TBC1D32: variants seen among roughly 807,000 people sequenced by gnomAD.
TBC1D32 encodes the protein TBC1 domain family member 32.
A neutral mutation model predicts 170.3 loss-of-function variants in TBC1D32; 151 were observed. The ratio of observed to expected loss-of-function variants is 0.89; its 90% CI spans 0.78 to 1.01. TBC1D32 has a LOEUF of 1.01. Ranked by LOEUF, TBC1D32 falls within the 50% of genes least tolerant of loss-of-function variation. The pLI is 0.00. For synonymous variants in TBC1D32, 498 were observed against 488.0 expected, an observed-to-expected ratio of 1.02 and a Z score of -0.27; for missense variants, 1,464 against 1,457.1, an observed-to-expected ratio of 1.00 and a Z score of -0.08.
At chr6:121,232,699 C>T (rs1795895413) in intron 20 of TBC1D32, among the ~76,000 whole-genome samples, 1 of 150,402 alleles carries the variant, frequency 6.6e-6, no homozygotes, top group South Asian at 2.1e-4. Context: ...CTATTGTAAA[C>T]CAGGTTGAAT....
chr6:121,279,306 A>C, intron 14 of TBC1D32, 61 bp from the exon 15 acceptor site: 1 of 1,546,176 alleles, frequency 6.5e-7, no homozygotes, highest in Non-Finnish European at 8.7e-7. Flanking sequence ...AACATATCAC[A>C]GACTAAAATC....
intron 17 of TBC1D32, among the ~76,000 whole-genome samples, chr6:121,254,290 T>A (rs1243783162): frequency 6.6e-6 from 1 of 152,156 alleles, no homozygotes. Flanking sequence ...GGGTACAGTG[T>A]ACACTGCTTG....
At chr6:121,244,107 A>G (rs899700299) in intron 17 of TBC1D32, among the ~76,000 whole-genome samples, 1 of 152,064 alleles carries the variant, frequency 6.6e-6, no homozygotes, top group South Asian at 2.1e-4. Flanking sequence ...AGGACAAAAA[A>G]TACTAAGAAT....
At chr6:121,199,110 A>G (rs989674145) in intron 22 of TBC1D32, among the ~76,000 whole-genome samples, 1 of 151,246 alleles carries the variant, frequency 6.6e-6, no homozygotes, top group Non-Finnish European at 1.5e-5. Context: ...ATAAAAATAC[A>G]TAAGGTTGGA....
intron 22 of TBC1D32, among the ~76,000 whole-genome samples, chr6:121,187,949 TG>T (rs1276606656): frequency 6.6e-6 from 1 of 152,114 alleles, no homozygotes; most frequent in Non-Finnish European, 1.5e-5. Context: ...AGAATGATTG[TG>T]GGGCACCTTG....
chr6:121,202,820 T>C (rs1178962112), intron 22 of TBC1D32, among the ~76,000 whole-genome samples: 6 of 151,298 alleles, frequency 4.0e-5, no homozygotes, highest in Admixed American at 3.9e-4. Flanking sequence ...ATTTGTAAGA[T>C]CTTGGCAATT....
chr6:121,214,686 C>T (rs1324226109), intron 21 of TBC1D32, among the ~76,000 whole-genome samples: 1 of 152,196 alleles, frequency 6.6e-6, no homozygotes, highest in Non-Finnish European at 1.5e-5. Flanking sequence ...ATCTGGGCTA[C>T]ATGAAGGGCT....
At chr6:121,262,189 G>A (rs1409426774) in intron 15 of TBC1D32, among the ~76,000 whole-genome samples, 4 of 152,172 alleles carry the variant, frequency 2.6e-5, no homozygotes, top group Non-Finnish European at 5.9e-5. Flanking sequence ...ATGGAACCAA[G>A]TTAGAAAACA....
chr6:121,147,460 C>T (rs373357151), intron 24 of TBC1D32, among the ~76,000 whole-genome samples: 54 of 152,138 alleles, frequency 3.5e-4, no homozygotes, highest in Non-Finnish European at 3.5e-4. Flanking sequence ...TCTCTTTTCT[C>T]GGAAGCCCTG....
At chr6:121,082,062 T>C (rs1053945533) in intron 31 of TBC1D32, among the ~76,000 whole-genome samples, 1 of 152,066 alleles carries the variant, frequency 6.6e-6, no homozygotes, top group Non-Finnish European at 1.5e-5. Flanking sequence ...CTCAAGATAA[T>C]TGTGAAATTA....
chr6:121,111,744 A>G (rs942358569), intron 29 of TBC1D32, among the ~76,000 whole-genome samples: 2 of 152,122 alleles, frequency 1.3e-5, no homozygotes, highest in African/African-American at 4.8e-5. Flanking sequence ...CCTTATCACA[A>G]ATATATATTG....
At chr6:121,294,352 G>A (rs183079212) in intron 11 of TBC1D32, among the ~76,000 whole-genome samples, 3 of 152,166 alleles carry the variant, frequency 2.0e-5, no homozygotes, top group South Asian at 4.1e-4. Context: ...ATAAGAATCA[G>A]TATGGTTGTA....
intron 3 of TBC1D32, 71 bp downstream of exon 3, chr6:121,317,424 G>T: frequency 1.6e-6 from 2 of 1,240,478 alleles, no homozygotes; most frequent in Non-Finnish European, 2.2e-6. Context: ...ATATGGCTAA[G>T]AAATAATTTA....
chr6:121,242,432 A>C, intron 17 of TBC1D32, 93 bp from the exon 18 acceptor site: 1 of 1,261,196 alleles, frequency 7.9e-7, no homozygotes, highest in Non-Finnish European at 1.1e-6. Flanking sequence ...CCTGTTTACA[A>C]TTAAAGTTAC....
intron 30 of TBC1D32, among the ~76,000 whole-genome samples, chr6:121,098,192 G>GAATAATAATAAT (rs150038060): frequency 2.7e-5 from 4 of 148,822 alleles, no homozygotes; most frequent in African/African-American, 4.9e-5. Context: ...ACTTAAAGTA[G>GAATAATAATAAT]AATAATAATA....
intron 12 of TBC1D32, among the ~76,000 whole-genome samples, chr6:121,287,278 CA>C (rs1372608551): frequency 6.6e-6 from 1 of 152,008 alleles, no homozygotes; most frequent in Non-Finnish European, 1.5e-5. Flanking sequence ...CAGAGAAACA[CA>C]TAGGCTGAAA....
chr6:121,140,958 A>G (rs987045559), intron 24 of TBC1D32, among the ~76,000 whole-genome samples: 1 of 152,184 alleles, frequency 6.6e-6, no homozygotes, highest in Non-Finnish European at 1.5e-5. Context: ...AAAAGTTTTA[A>G]TGTCCAGTGA....
intron 22 of TBC1D32, among the ~76,000 whole-genome samples, chr6:121,188,785 T>TA (rs1312070645): frequency 1.3e-5 from 2 of 152,068 alleles, no homozygotes; most frequent in Admixed American, 1.3e-4. Context: ...TCAATAAAAA[T>TA]AAAAAATAGT....
chr6:121,242,360 G>A (rs774764662), intron 17 of TBC1D32, 21 bp from the exon 18 acceptor site: 1 of 1,606,482 alleles, frequency 6.2e-7, no homozygotes, highest in Non-Finnish European at 8.5e-7. Flanking sequence ...TAAAAGAAAG[G>A]TAGAGCTTTC....
Sources: allele counts gnomAD v4.1 joint callset (sites outside exome capture counted in the v4.1 genomes callset), GRCh38; gene constraint gnomAD v4.1.1; transcripts MANE v1.5; gene names NCBI Gene and HGNC (gene_info 2026-07-23, HGNC 2026-07-21).